WWOX: variants seen among roughly 807,000 people sequenced by gnomAD.
WWOX encodes the protein WW domain containing oxidoreductase.
A neutral mutation model predicts 46.2 loss-of-function variants in WWOX; 69 were observed. That is an observed-to-expected ratio of 1.49 (90% confidence interval 1.23 to 1.82). WWOX has a LOEUF of 1.82. WWOX is among the 40% of genes most tolerant of loss of function. WWOX has a pLI of 0.00. For synonymous variants in WWOX, 359 were observed against 202.6 expected (o/e 1.77, Z -6.56); for missense variants, 919 against 542.6 (o/e 1.69, Z -6.89).
intron 8 of WWOX, among the ~76,000 whole-genome samples, chr16:78,921,992 C>T (rs1597154009): frequency 6.6e-6 from 1 of 152,236 alleles, no homozygotes; most frequent in African/African-American, 2.4e-5. Flanking sequence ...AGATGTGAAG[C>T]TTCTATTGTC....
At chr16:78,931,949 T>A (rs1449780922) in intron 8 of WWOX, among the ~76,000 whole-genome samples, 1 of 152,214 alleles carries the variant, frequency 6.6e-6, no homozygotes, top group East Asian at 1.9e-4. Context: ...GATGGTTTTA[T>A]AAAGGGCAGT....
chr16:78,672,661 TAAATA>T (rs767678032), intron 8 of WWOX, among the ~76,000 whole-genome samples: 19 of 152,168 alleles, frequency 1.2e-4, no homozygotes, highest in Admixed American at 6.5e-4. Context: ...AAAAGATACT[TAAATA>T]AAAGTGATCG....
chr16:78,358,382 G>C (rs1052325800), intron 5 of WWOX, among the ~76,000 whole-genome samples: 5 of 152,208 alleles, frequency 3.3e-5, no homozygotes, highest in African/African-American at 7.2e-5. Flanking sequence ...TTATAGCCAA[G>C]TGCAGTGGCT....
intron 5 of WWOX, among the ~76,000 whole-genome samples, chr16:78,176,769 T>G (rs2035360871): frequency 6.6e-6 from 1 of 152,182 alleles, no homozygotes; most frequent in Non-Finnish European, 1.5e-5. Context: ...AATTACAGGA[T>G]GCTTAAAATC....
chr16:78,674,196 C>T (rs958050579), intron 8 of WWOX, among the ~76,000 whole-genome samples: 6 of 151,400 alleles, frequency 4.0e-5, no homozygotes, highest in African/African-American at 1.5e-4. Flanking sequence ...GAAGAGAACA[C>T]TTGTGACAGA....
intron 8 of WWOX, among the ~76,000 whole-genome samples, chr16:78,622,606 G>C (rs1260484147): frequency 6.6e-6 from 1 of 151,656 alleles, no homozygotes; most frequent in East Asian, 1.9e-4. Context: ...CCCTAAGACG[G>C]CCCCAGTGAT....
intron 8 of WWOX, among the ~76,000 whole-genome samples, chr16:78,562,881 G>A (rs912245394): frequency 2.0e-5 from 3 of 152,286 alleles, no homozygotes; most frequent in South Asian, 2.1e-4. Context: ...GGAGCTCCAC[G>A]ATGGGGAGGT....
chr16:78,633,155 G>C lies in WWOX; in HGVS notation c.1056+200403G>C, dbSNP rs2004941. On this transcript the variant is annotated intron_variant, in intron 8 of 8. Coordinates refer to ENST00000566780, the MANE Select transcript of WWOX (RefSeq NM_016373.4). ...CGTGTGCCTGTAATCCCAGTTACTCGGGAGGCTGAGGCAGGAGAATCGCTT... is the reference window on the plus strand; with the variant it reads ...CGTGTGCCTGTAATCCCAGTTACTCCGGAGGCTGAGGCAGGAGAATCGCTT... 3.1e-3 allele frequency among the ~76,000 whole-genome samples: 478 copies of C among 152,142 alleles called. 2 individuals carry two copies. Among genetic ancestry groups the C allele is most frequent in the African/African-American group, 0.011 (449 of 41,536 alleles).
chr16:78,524,404 ATTTG>A (rs71719491), intron 8 of WWOX, among the ~76,000 whole-genome samples: 84,752 of 138,508 alleles, frequency 0.61, 25,858 homozygotes, highest in East Asian at 0.73. Flanking sequence ...TTATTTATTT[ATTTG>A]TTTATTTATT....
intron 8 of WWOX, among the ~76,000 whole-genome samples, chr16:79,108,722 T>A (rs1289583465): frequency 6.6e-6 from 1 of 151,988 alleles, no homozygotes; most frequent in Non-Finnish European, 1.5e-5. Context: ...GGCAACACAG[T>A]GAGACCCCAC....
chr16:78,809,635 G>C (rs2051136658), intron 8 of WWOX, among the ~76,000 whole-genome samples: 1 of 152,076 alleles, frequency 6.6e-6, no homozygotes, highest in South Asian at 2.1e-4. Context: ...ATTTAACCTA[G>C]TACACAGGGG....
chr16:78,230,119 A>C (rs2037205137), intron 5 of WWOX, among the ~76,000 whole-genome samples: 1 of 152,100 alleles, frequency 6.6e-6, no homozygotes, highest in South Asian at 2.1e-4. Context: ...GGCTCTAGCA[A>C]TCCTCCCACC....
intron 8 of WWOX, among the ~76,000 whole-genome samples, chr16:78,834,586 G>T (rs916319220): frequency 6.6e-6 from 1 of 152,158 alleles, no homozygotes; most frequent in Non-Finnish European, 1.5e-5. Context: ...CCCCATTGCC[G>T]ATGATCAGAA....
At position 79,181,197 on chromosome 16, in the gene WWOX, G is replaced by A. The variant is rs139714382; in HGVS notation, c.1057-30411G>A. Reference sequence around the variant, plus strand: ...AGTGGAATGTATGTGACTTAATAGCGTAATATTTTGTCCATTATTTTAAAA... The same window carrying A: ...AGTGGAATGTATGTGACTTAATAGCATAATATTTTGTCCATTATTTTAAAA... On this transcript the variant is annotated intron_variant, in intron 8 of 8. Coordinates refer to ENST00000566780, the MANE Select transcript of WWOX (RefSeq NM_016373.4). 5.2e-3 allele frequency among the ~76,000 whole-genome samples: 790 copies of A among 152,250 alleles called. 11 individuals are homozygous for A. The highest frequency in any genetic ancestry group is 0.018 in the African/African-American group (742 of 41,522).
At chr16:78,935,684 G>A (rs958603861) in intron 8 of WWOX, among the ~76,000 whole-genome samples, 2 of 151,810 alleles carry the variant, frequency 1.3e-5, no homozygotes, top group African/African-American at 2.4e-5. Flanking sequence ...GCAGCACACC[G>A]ACATGGCACA....
At chr16:78,934,389 G>C (rs1006683721) in intron 8 of WWOX, among the ~76,000 whole-genome samples, 7 of 147,724 alleles carry the variant, frequency 4.7e-5, no homozygotes, top group African/African-American at 1.8e-4. Context: ...CATACCTGTA[G>C]TCCTAGCTAC....
At chr16:78,932,291 G>T (rs1427073272) in intron 8 of WWOX, among the ~76,000 whole-genome samples, 1 of 152,156 alleles carries the variant, frequency 6.6e-6, no homozygotes, top group Non-Finnish European at 1.5e-5. Context: ...AAACAGAGAA[G>T]TGCTTCTTGT....
intron 8 of WWOX, among the ~76,000 whole-genome samples, chr16:78,961,775 A>G (rs199762474): frequency 2.6e-5 from 4 of 152,178 alleles, no homozygotes; most frequent in African/African-American, 9.7e-5. Context: ...CTTTTAAACA[A>G]GTACCTCAGG....
intron 8 of WWOX, among the ~76,000 whole-genome samples, chr16:78,693,667 A>T (rs181820538): frequency 6.6e-6 from 1 of 152,110 alleles, no homozygotes; most frequent in South Asian, 2.1e-4. Flanking sequence ...TGACATAACT[A>T]TTGGCATCGA....
Sources: gnomAD v4.1 joint callset for allele counts (sites outside exome capture counted in the v4.1 genomes callset) on GRCh38, gnomAD v4.1.1 for gene constraint, MANE v1.5 for transcripts, NCBI Gene and HGNC (gene_info 2026-07-23, HGNC 2026-07-21) for gene names.